Variants in DNAH14 observed in about 807,000 individuals in gnomAD.
DNAH14 encodes the protein dynein axonemal heavy chain 14, also known as axonemal beta dynein heavy chain 14.
In DNAH14, 478 loss-of-function variants were observed where a neutral mutation model predicts 520.9. The ratio of observed to expected loss-of-function variants is 0.92; its 90% CI spans 0.85 to 0.99. The LOEUF is 0.99. Among genes scored for constraint, DNAH14 ranks in the 50% least tolerant of loss-of-function variants. DNAH14 has a pLI of 0.00. For missense variants in DNAH14, 4,831 were observed against 5,234.5 expected (o/e 0.92, Z 2.38); for synonymous variants, 1,581 against 1,757.2 (o/e 0.90, Z 2.51).
chr1:225,265,738 T>A (rs2093089649), intron 48 of DNAH14, among the ~76,000 whole-genome samples: 1 of 152,100 alleles, frequency 6.6e-6, no homozygotes, highest in African/African-American at 2.4e-5. Flanking sequence ...TTTAAGGGTT[T>A]GCTTCAGATT....
intron 8 of DNAH14, among the ~76,000 whole-genome samples, chr1:224,986,644 T>G (rs983266611): frequency 1.3e-5 from 2 of 152,054 alleles, no homozygotes; most frequent in African/African-American, 2.4e-5. Context: ...TGACAAAAAT[T>G]CCTAAAAACT....
At chr1:225,071,674 A>G (rs965091924) in intron 17 of DNAH14, among the ~76,000 whole-genome samples, 2 of 152,198 alleles carry the variant, frequency 1.3e-5, no homozygotes, top group African/African-American at 4.8e-5. Flanking sequence ...AAAGAGATTT[A>G]ATTCACTCAC....
chr1:225,080,794 A>G (rs756081580), intron 19 of DNAH14, 46 bp downstream of exon 19: 144 of 1,468,424 alleles, frequency 9.8e-5, no homozygotes, highest in Non-Finnish European at 9.5e-5. Context: ...CTATATACCA[A>G]ATGGCCTTTG....
At chr1:225,079,672 C>CTTT (rs58242386) in intron 18 of DNAH14, 124 bp downstream of exon 18, 23,075 of 323,424 alleles carry the variant, frequency 0.071, 192 homozygotes, top group Middle Eastern at 0.089. Flanking sequence ...TACAAGTATT[C>CTTT]TTTTTTTTTT....
intron 49 of DNAH14, among the ~76,000 whole-genome samples, chr1:225,270,475 T>C (rs1185468505): frequency 6.6e-6 from 1 of 152,026 alleles, no homozygotes; most frequent in Non-Finnish European, 1.5e-5. Context: ...GTATAATAAT[T>C]TTAAAAAACA....
intron 8 of DNAH14, among the ~76,000 whole-genome samples, chr1:224,988,339 G>T (rs2062798514): frequency 6.6e-6 from 1 of 152,048 alleles, no homozygotes; most frequent in African/African-American, 2.4e-5. Context: ...CTTTGCTATT[G>T]TGAATAGTGC....
chr1:225,251,221 TATAGTGCA>T (rs1207265754), intron 43 of DNAH14, among the ~76,000 whole-genome samples: 2 of 151,856 alleles, frequency 1.3e-5, no homozygotes, highest in Middle Eastern at 3.4e-3. Flanking sequence ...TCACCCAGGC[TATAGTGCA>T]ATAGCGTGAT....
chr1:225,095,655 A>T (rs545267420), intron 21 of DNAH14, among the ~76,000 whole-genome samples: 2 of 152,314 alleles, frequency 1.3e-5, no homozygotes, highest in East Asian at 3.9e-4. Context: ...AGTTATACAG[A>T]AAAAGGGAAT....
At chr1:225,322,418 C>T (rs1558380238) in intron 61 of DNAH14, among the ~76,000 whole-genome samples, 1 of 152,086 alleles carries the variant, frequency 6.6e-6, no homozygotes, top group Non-Finnish European at 1.5e-5. Flanking sequence ...ACTAATTAGC[C>T]TTTAACTCAG....
At position 225,156,870 on chromosome 1, in the gene DNAH14, A is replaced by G. The variant is rs1203270316; in HGVS notation, c.5274-2444A>G. Reference sequence around the variant, plus strand: ...GCTGGGACTACAGGCGCCCGCCACTACGCCCGGCTAATTTTTTTGTATTTT... The same window carrying G: ...GCTGGGACTACAGGCGCCCGCCACTGCGCCCGGCTAATTTTTTTGTATTTT... On this transcript the variant is annotated intron_variant, in intron 34 of 85. Coordinates refer to ENST00000682510, the MANE Select transcript of DNAH14 (RefSeq NM_001367479.1). 2.1e-4 allele frequency among the ~76,000 whole-genome samples: 28 copies of G among 136,424 alleles called. 4 individuals are homozygous for G. Among genetic ancestry groups the G allele is most frequent in the African/African-American group, 6.9e-4 (24 of 35,024 alleles). The allele number at this position is 136,424 out of a possible 152,430, so 89.5% of individuals were successfully genotyped here. A position where few individuals can be genotyped will look rare whatever the true frequency, so the allele number is the denominator to read the frequency against.
intron 41 of DNAH14, among the ~76,000 whole-genome samples, chr1:225,219,022 A>C (rs1046148059): frequency 6.6e-6 from 1 of 150,988 alleles, no homozygotes; most frequent in African/African-American, 2.4e-5. Context: ...ACACAACTAC[A>C]TGGAAACTGA....
chr1:225,112,119 A>G (rs1291031950), intron 23 of DNAH14, among the ~76,000 whole-genome samples: 2 of 152,052 alleles, frequency 1.3e-5, no homozygotes, highest in Non-Finnish European at 2.9e-5. Context: ...TTTCTGATTG[A>G]TGGACTCTCT....
intron 35 of DNAH14, among the ~76,000 whole-genome samples, chr1:225,164,425 A>G (rs2081846243): frequency 2.0e-5 from 3 of 152,110 alleles, no homozygotes. Flanking sequence ...TAGGACATAT[A>G]TTGATGGCCT....
intron 26 of DNAH14, 92 bp downstream of exon 26, chr1:225,119,386 C>A: frequency 1.2e-6 from 1 of 820,514 alleles, no homozygotes; most frequent in South Asian, 3.3e-5. Flanking sequence ...ACTCACTTAT[C>A]TACTAATCTA....
At chr1:224,935,432 A>G (rs1197481489) in intron 1 of DNAH14, among the ~76,000 whole-genome samples, 1 of 152,050 alleles carries the variant, frequency 6.6e-6, no homozygotes, top group South Asian at 2.1e-4. Context: ...GAGTAGGAGT[A>G]GCCATACTTA....
At chr1:225,282,150 G>T (rs912387504) in intron 54 of DNAH14, among the ~76,000 whole-genome samples, 5 of 152,204 alleles carry the variant, frequency 3.3e-5, no homozygotes, top group African/African-American at 9.6e-5. Flanking sequence ...AAAAGGGATA[G>T]TTTAACTGTG....
intron 17 of DNAH14, among the ~76,000 whole-genome samples, chr1:225,057,901 CT>C (rs2069368523): frequency 6.6e-6 from 1 of 152,148 alleles, no homozygotes; most frequent in Non-Finnish European, 1.5e-5. Flanking sequence ...GGTGGATAAG[CT>C]TTTTGATATG....
chr1:225,395,584 TC>T (rs10706120), intron 84 of DNAH14: 97,009 of 142,836 alleles, frequency 0.68, 35,035 homozygotes, highest in East Asian at 0.84. Context: ...AGAGTGAGAC[TC>T]CCGTCTCAAA....
intron 84 of DNAH14, among the ~76,000 whole-genome samples, chr1:225,392,752 A>G (rs915140537): frequency 6.6e-6 from 1 of 152,244 alleles, no homozygotes; most frequent in Non-Finnish European, 1.5e-5. Flanking sequence ...GTCAGCATCA[A>G]AAGGTGATAT....
Sources: allele counts gnomAD v4.1 joint callset (sites outside exome capture counted in the v4.1 genomes callset), GRCh38; gene constraint gnomAD v4.1.1; transcripts MANE v1.5; gene names NCBI Gene and HGNC (gene_info 2026-07-23, HGNC 2026-07-21).